PYHIN1: variants seen among roughly 807,000 people sequenced by gnomAD.
PYHIN1 encodes pyrin and HIN domain-containing protein 1.
In PYHIN1, 32 loss-of-function variants were observed where a neutral mutation model predicts 43.7. The observed-to-expected ratio is 0.73, with a 90% CI of 0.55 to 0.98. The LOEUF is 0.98. Among genes scored for constraint, PYHIN1 ranks in the 50% least tolerant of loss-of-function variants. The pLI is 0.00. For synonymous variants in PYHIN1, 205 were observed against 203.1 expected (o/e 1.01, Z -0.08); for missense variants, 588 against 589.5 (o/e 1.00, Z 0.03).
At chr1:158,983,443 AC>A in the PYHIN1 span, among the ~76,000 whole-genome samples, 1 of 152,182 alleles carries the variant, frequency 6.6e-6, no homozygotes, top group African/African-American at 2.4e-5. Context: ...AATCACATTT[AC>A]CAATTTGCGT....
At chr1:158,974,227 T>C (rs924772694) in intron 8 of PYHIN1, among the ~76,000 whole-genome samples, 2 of 152,054 alleles carry the variant, frequency 1.3e-5, no homozygotes, top group African/African-American at 4.8e-5. Context: ...ATCTCTTCAT[T>C]TGCCCCAATA....
the PYHIN1 span, among the ~76,000 whole-genome samples, chr1:158,988,170 T>G: frequency 6.6e-6 from 1 of 152,086 alleles, no homozygotes; most frequent in Non-Finnish European, 1.5e-5. Context: ...GGCCACCCAG[T>G]TTGTGGTATT....
chr1:158,954,618 T>G (rs1353267244), intron 7 of PYHIN1, among the ~76,000 whole-genome samples: 2 of 149,428 alleles, frequency 1.3e-5, no homozygotes, highest in African/African-American at 2.4e-5. Context: ...ACATGGAAAG[T>G]AACAACGGGT....
At position 158,939,777 on chromosome 1, in the gene PYHIN1, C is replaced by T. The variant is rs544367139; in HGVS notation, c.579+530C>T. The T allele has an allele frequency of 5.8e-6, 3 of 513,186 alleles. No individual in the cohort carries two copies. The South Asian group carries it at 9.8e-5, about 17-fold the overall frequency. The allele number at this position is 513,186 out of a possible 1,614,324, so 31.8% of individuals were successfully genotyped here. A position where few individuals can be genotyped will look rare whatever the true frequency, so the allele number is the denominator to read the frequency against. On this transcript the variant is annotated intron_variant, in intron 4 of 8. Transcript: ENST00000368140. ...TTCCTAGGAACTTCTTTCTTTTCTA[C>T]TGTTTATGACAACTGAAGTTAATAA...
chr1:158,979,032 A>G (rs1222567272), downstream of PYHIN1, among the ~76,000 whole-genome samples: 1 of 152,226 alleles, frequency 6.6e-6, no homozygotes, highest in Admixed American at 6.5e-5. Context: ...GCAGTGAAAT[A>G]GCTCTGAGAG....
chr1:158,942,480 G>A, intron 5 of PYHIN1, 81 bp downstream of exon 5: 2 of 1,134,086 alleles, frequency 1.8e-6, no homozygotes, highest in Non-Finnish European at 2.5e-6. Context: ...ATGGAAGTTT[G>A]CATATTACTT....
In PYHIN1 at chr1:158,957,966, A is replaced by C. The variant is rs968657730; in HGVS notation, c.1359+12924A>C. Among the ~76,000 whole-genome samples the C allele has an allele frequency of 5.9e-5, 9 of 152,314 alleles. No homozygotes were observed. In the South Asian group the frequency reaches 1.2e-3, roughly 21 times the overall value. The stretch of plus-strand genomic sequence containing the variant: ...TGAAGGACATGAACAGACACTTCTC[A>C]AAAGAAGACATTTATGCAGCCAAAA... On this transcript the variant is annotated intron_variant, in intron 7 of 8. Coordinates refer to ENST00000368140, the MANE Select transcript of PYHIN1 (RefSeq NM_152501.5).
intron 7 of PYHIN1, among the ~76,000 whole-genome samples, chr1:158,959,407 T>G (rs1001798742): frequency 2.6e-5 from 4 of 152,140 alleles, no homozygotes; most frequent in African/African-American, 9.7e-5. Flanking sequence ...TAGAGAGCAA[T>G]TATGCACCCG....
At chr1:158,979,249 G>C (rs1337771684), downstream of PYHIN1, among the ~76,000 whole-genome samples, 1 of 152,150 alleles carries the variant, frequency 6.6e-6, no homozygotes, top group Non-Finnish European at 1.5e-5. Context: ...GATCTACAGA[G>C]CTTATTCATC....
rs1651307480 is a variant in PYHIN1 at position 158,976,897 on chromosome 1, T to C, written c.*202T>C. The C allele has an allele frequency of 7.8e-5, 2 of 25,782 alleles. No homozygotes were observed. The highest frequency in any genetic ancestry group is 1.9e-4 in the Non-Finnish European group (2 of 10,770). The allele number at this position is 25,782 out of a possible 1,614,324, so 1.6% of individuals were successfully genotyped here. On this transcript the variant is annotated 3_prime_UTR_variant, in exon 9 of 9. Coordinates refer to ENST00000368140, the MANE Select transcript of PYHIN1 (RefSeq NM_152501.5). ...ATATATATATATATATATATATATATATATATATATATATATATACCAGCT... is the reference window on the plus strand; with the variant it reads ...ATATATATATATATATATATATATACATATATATATATATATATACCAGCT...
intron 7 of PYHIN1, among the ~76,000 whole-genome samples, chr1:158,949,841 T>A (rs534094853): frequency 6.6e-6 from 1 of 152,326 alleles, no homozygotes; most frequent in East Asian, 1.9e-4. Context: ...AAGGAATGTT[T>A]GGGAAAGCGG....
the PYHIN1 span, among the ~76,000 whole-genome samples, chr1:158,984,883 G>A: frequency 6.6e-6 from 1 of 151,932 alleles, no homozygotes; most frequent in Non-Finnish European, 1.5e-5. Flanking sequence ...TTGTAGAATT[G>A]AACTTTTTAT....
At chr1:158,952,473 C>T (rs1207544750) in intron 7 of PYHIN1, among the ~76,000 whole-genome samples, 1 of 152,078 alleles carries the variant, frequency 6.6e-6, no homozygotes, top group Non-Finnish European at 1.5e-5. Flanking sequence ...AGACAGGGTT[C>T]CATACCTAGA....
chr1:158,955,908 T>A, intron 7 of PYHIN1, among the ~76,000 whole-genome samples: 1 of 82,616 alleles, frequency 1.2e-5, no homozygotes, highest in Non-Finnish European at 2.6e-5. Context: ...CAATAAAAAA[T>A]GATAAAGGGG....
chr1:158,949,375 TG>T (rs1649401609), intron 7 of PYHIN1, among the ~76,000 whole-genome samples: 1 of 152,168 alleles, frequency 6.6e-6, no homozygotes, highest in Admixed American at 6.5e-5. Flanking sequence ...TGGCTTTTTT[TG>T]TTTTGTTTTG....
intron 7 of PYHIN1, among the ~76,000 whole-genome samples, chr1:158,949,125 G>T (rs918851401): frequency 6.6e-6 from 1 of 152,118 alleles, no homozygotes; most frequent in Non-Finnish European, 1.5e-5. Context: ...AGTGTCATGG[G>T]GTGGCAAGGA....
At chr1:158,964,525 A>G (rs948544319) in intron 7 of PYHIN1, among the ~76,000 whole-genome samples, 2 of 152,234 alleles carry the variant, frequency 1.3e-5, no homozygotes, top group African/African-American at 4.8e-5. Context: ...ACCCTATCAG[A>G]CTACAGCAGA....
intron 7 of PYHIN1, among the ~76,000 whole-genome samples, chr1:158,958,556 T>C (rs1459923539): frequency 2.3e-5 from 3 of 132,036 alleles, no homozygotes; most frequent in African/African-American, 8.8e-5. Context: ...AATTGAACAA[T>C]GAGATCACAT....
intron 7 of PYHIN1, among the ~76,000 whole-genome samples, chr1:158,968,930 AC>A (rs1382601929): frequency 6.6e-6 from 1 of 151,960 alleles, no homozygotes; most frequent in Non-Finnish European, 1.5e-5. Context: ...GGATGAAAAA[AC>A]AATTCTTAGT....
Sources: allele counts gnomAD v4.1 joint callset (sites outside exome capture counted in the v4.1 genomes callset), GRCh38; gene constraint gnomAD v4.1.1; transcripts MANE v1.5; gene names NCBI Gene and HGNC (gene_info 2026-07-23, HGNC 2026-07-21).